The following SSUH2 variants were observed in gnomAD, a reference collection of about 807,000 sequenced individuals.
SSUH2 encodes protein SSUH2 homolog.
Under a neutral mutation model 55.3 loss-of-function variants are expected in SSUH2, and 47 were observed. The observed-to-expected ratio is 0.85, with a 90% CI of 0.67 to 1.08. The LOEUF (loss-of-function observed/expected upper bound fraction) is 1.08. Among genes scored for constraint, SSUH2 ranks in the 50% least tolerant of loss-of-function variants. The pLI is 0.00. For missense variants in SSUH2, 535 were observed against 490.7 expected (o/e 1.09, Z -0.85); for synonymous variants, 212 against 191.5 (o/e 1.11, Z -0.89).
At chr3:8,623,030 TGCA>T (rs771640000) in intron 11 of SSUH2, among the ~76,000 whole-genome samples, 5 of 152,292 alleles carry the variant, frequency 3.3e-5, no homozygotes, top group South Asian at 4.1e-4. Flanking sequence ...CCTGGCTGGC[TGCA>T]GCAGCAGCAG....
At chr3:8,670,195 C>T (rs1704395459) in intron 5 of SSUH2, among the ~76,000 whole-genome samples, 1 of 152,010 alleles carries the variant, frequency 6.6e-6, no homozygotes, top group African/African-American at 2.4e-5. Context: ...GAGAGAGCAG[C>T]GGTATACTGG....
intron 7 of SSUH2, 94 bp from the exon 8 acceptor site, chr3:8,627,877 C>G (rs1697928172): frequency 9.2e-7 from 1 of 1,092,032 alleles, no homozygotes; most frequent in Non-Finnish European, 1.3e-6. Flanking sequence ...GCCTGGTGAC[C>G]TTCCTCCCCC....
intron 5 of SSUH2, among the ~76,000 whole-genome samples, chr3:8,668,359 T>C (rs1479996475): frequency 6.6e-6 from 1 of 152,268 alleles, no homozygotes; most frequent in Admixed American, 6.5e-5. Flanking sequence ...GATGCTCTTA[T>C]GGAGTTTTTC....
chr3:8,623,944 G>A lies in SSUH2; in HGVS notation c.874-288C>T, dbSNP rs78394516. On this transcript the variant is annotated intron_variant, in intron 10 of 11. Transcript: ENST00000544814. ...AGTGACCATGGCTGGTGTGGTCCCC[G>A]TCAGTGTGGACTCGTGGGGTCTGTA... Among the ~76,000 whole-genome samples, 1,932 of 152,302 alleles carry A rather than the reference G, an allele frequency of 0.013. 106 individuals carry two copies. The East Asian group carries it at 0.17, about 13-fold the overall frequency.
chr3:8,638,970 G>A (rs1700384589), intron 1 of SSUH2, among the ~76,000 whole-genome samples: 1 of 152,166 alleles, frequency 6.6e-6, no homozygotes, highest in African/African-American at 2.4e-5. Context: ...AAGAATGAGA[G>A]GTGGGAAACT....
Position 8,619,847 on chromosome 3 carries a change from T to C in SSUH2, c.*21A>G. The C allele has an allele frequency of 6.2e-7, 1 of 1,610,636 alleles. No individual in the cohort carries two copies. Among genetic ancestry groups the C allele is most frequent in the Non-Finnish European group, 8.5e-7 (1 of 1,178,372 alleles). On this transcript the variant is annotated 3_prime_UTR_variant, in exon 12 of 12. Transcript: ENST00000544814. ...TCCTTGGCAAACGTGAATGGCAGGC[T>C]CTGGGGACAGCCATGCTATGTCACA...
At position 8,674,424 on chromosome 3, in the gene SSUH2, G is replaced by A. The variant is rs183791510; in HGVS notation, c.-752-2389C>T. On this transcript the variant is annotated intron_variant, in intron 3 of 18. Transcript: ENST00000317371. ...AGGGTTATTGGACTGAGGGGAGACCGGGCTCAAGTGTCCCCAAAGACCCCC... is the reference window on the plus strand; with the variant it reads ...AGGGTTATTGGACTGAGGGGAGACCAGGCTCAAGTGTCCCCAAAGACCCCC... Among the ~76,000 whole-genome samples the A allele has an allele frequency of 4.6e-3, 701 of 152,290 alleles. 2 individuals are homozygous for A. Among genetic ancestry groups the A allele is most frequent in the Non-Finnish European group, 8.2e-3 (560 of 68,022 alleles).
chr3:8,659,407 G>T, intron 6 of SSUH2: 1 of 158,526 alleles, frequency 6.3e-6, no homozygotes, highest in Non-Finnish European at 1.4e-5. Flanking sequence ...ATCCTTCAAT[G>T]CCCCACTCCA....
At chr3:8,678,409 C>G (rs574689321) in intron 2 of SSUH2, among the ~76,000 whole-genome samples, 2 of 152,096 alleles carry the variant, frequency 1.3e-5, no homozygotes, top group Admixed American at 1.3e-4. Flanking sequence ...AATTCACAGG[C>G]TGGGTGAACA....
At chr3:8,663,118 G>T (rs1182481649) in intron 6 of SSUH2, among the ~76,000 whole-genome samples, 1 of 152,196 alleles carries the variant, frequency 6.6e-6, no homozygotes, top group Non-Finnish European at 1.5e-5. Context: ...GGCTTTGCAT[G>T]CCTGCTCCCA....
intron 2 of SSUH2, among the ~76,000 whole-genome samples, chr3:8,679,377 T>C (rs7431769): frequency 0.014 from 811 of 57,562 alleles, 70 homozygotes; most frequent in East Asian, 0.027. Context: ...GCGGGAGGCA[T>C]CCCCCAGGAG....
At chr3:8,645,526 C>T (rs17049395), upstream of SSUH2, among the ~76,000 whole-genome samples, 1,335 of 152,314 alleles carry the variant, frequency 8.8e-3, 15 homozygotes, top group African/African-American at 0.03. Flanking sequence ...AGTCTAAACA[C>T]AGAACTTGTG....
Position 8,625,662 on chromosome 3 carries a change from G to A in SSUH2, c.768-15C>T. The A allele has an allele frequency of 6.4e-7, 1 of 1,560,078 alleles. No individual in the cohort carries two copies. Among genetic ancestry groups the A allele is most frequent in the Non-Finnish European group, 8.8e-7 (1 of 1,131,052 alleles). On this transcript the variant is annotated splice_polypyrimidine_tract_variant and intron_variant, in intron 9 of 11. Coordinates refer to ENST00000544814, the MANE Select transcript of SSUH2 (RefSeq NM_001256748.3). ...AGCTGTTCTTCCTGGAGGGAAGGAG[G>A]ATGAGGGATGAAAGCACACAGTGTG...
intron 4 of SSUH2, among the ~76,000 whole-genome samples, chr3:8,671,607 C>T (rs1470108334): frequency 1.3e-5 from 2 of 151,984 alleles, no homozygotes; most frequent in African/African-American, 4.8e-5. Context: ...CTGTGAATAA[C>T]ATCTCAAGTG....
In SSUH2 at chr3:8,635,805, C is replaced by T; in HGVS notation, c.81G>A (p.Glu27=). 6.5e-7 allele frequency: 1 copy of T among 1,536,080 alleles called. No homozygotes were observed. Among genetic ancestry groups the T allele is most frequent in the Non-Finnish European group, 8.7e-7 (1 of 1,146,868 alleles). Reference sequence around the variant, plus strand: ...CATAGCTGGGCAGTCTCTCCAGGAGCTCTGTGGGGGGCGCCAGAGGACTCT... The same window carrying T: ...CATAGCTGGGCAGTCTCTCCAGGAGTTCTGTGGGGGGCGCCAGAGGACTCT... ...EAESPLAPPT[E]LLERLPSYDW... The change falls in exon 2 of 12, where the codon GAG becomes GAA. Residue 27 remains glutamate, a synonymous_variant. Transcript: ENST00000544814.
At chr3:8,671,626 C>T (rs912853045) in intron 4 of SSUH2, among the ~76,000 whole-genome samples, 1 of 152,032 alleles carries the variant, frequency 6.6e-6, no homozygotes, top group Non-Finnish European at 1.5e-5. Flanking sequence ...TGTGTAGAGT[C>T]CTGTGACAAC....
intron 5 of SSUH2, among the ~76,000 whole-genome samples, chr3:8,668,648 A>G (rs1245584286): frequency 2.2e-4 from 33 of 152,190 alleles, no homozygotes; most frequent in Admixed American, 2.2e-3. Flanking sequence ...TTTATTAGGG[A>G]TGAATTAACC....
At chr3:8,661,986 T>C (rs553586326) in intron 6 of SSUH2, among the ~76,000 whole-genome samples, 13 of 152,338 alleles carry the variant, frequency 8.5e-5, no homozygotes, top group African/African-American at 2.6e-4. Flanking sequence ...TCTGCTTCCA[T>C]GTAAAACGTG....
intron 7 of SSUH2, among the ~76,000 whole-genome samples, chr3:8,656,225 A>G (rs555006730): frequency 1.3e-5 from 2 of 152,340 alleles, no homozygotes; most frequent in South Asian, 4.1e-4. Context: ...CTGGCAATAT[A>G]TACTCTCCCT....
Sources: gnomAD v4.1 joint callset for allele counts (sites outside exome capture counted in the v4.1 genomes callset) on GRCh38, gnomAD v4.1.1 for gene constraint, MANE v1.5 for transcripts, NCBI Gene and HGNC (gene_info 2026-07-23, HGNC 2026-07-21) for gene names.